Variants in RBFOX1 observed in about 807,000 individuals in gnomAD.
The protein encoded by RBFOX1 is RNA binding fox-1 homolog 1, also known as RNA binding protein fox-1 homolog 1.
In RBFOX1, 8 loss-of-function variants were observed where a neutral mutation model predicts 57.7. The ratio of observed to expected loss-of-function variants is 0.14; its 90% CI spans 0.08 to 0.25. RBFOX1 has a LOEUF of 0.25. RBFOX1 is among the 10% of genes least tolerant of loss of function. RBFOX1 has a pLI of 1.00. For missense variants in RBFOX1, 611 were observed against 548.5 expected, an observed-to-expected ratio of 1.11 and a Z score of -1.14; for synonymous variants, 326 against 222.4, an observed-to-expected ratio of 1.47 and a Z score of -4.15.
intron 3 of RBFOX1, among the ~76,000 whole-genome samples, chr16:6,957,116 T>TTTTTTATTTATTTA (rs574831673): frequency 7.2e-6 from 1 of 139,244 alleles, no homozygotes; most frequent in Non-Finnish European, 1.5e-5. Context: ...TTATTTTTAT[T>TTTTTTATTTATTTA]TTTATTTATT....
In RBFOX1 at chr16:6,924,411, G is replaced by A. The variant is rs141494707; in HGVS notation, c.-15-127646G>A. 2.9e-4 allele frequency among the ~76,000 whole-genome samples: 44 copies of A among 151,962 alleles called. No individual in the cohort carries two copies. The East Asian group carries it at 2.9e-3, about 10-fold the overall frequency. ...AGCCTCCTTTAAACAACCAGATCTC[G>A]TGTGAACTAACAGAGTGAGTGCTCA... On this transcript the variant is annotated intron_variant, in intron 3 of 15. Coordinates refer to ENST00000550418, the MANE Select transcript of RBFOX1 (RefSeq NM_018723.4).
intron 1 of RBFOX1, among the ~76,000 whole-genome samples, chr16:5,396,302 C>A (rs148185975): frequency 1.3e-5 from 2 of 152,098 alleles, no homozygotes; most frequent in Non-Finnish European, 2.9e-5. Flanking sequence ...TAGACCTTAT[C>A]CTGTAGTAGT....
intron 1 of RBFOX1, chr16:6,038,313 G>C (rs777134584): frequency 6.7e-6 from 1 of 150,066 alleles, no homozygotes; most frequent in Non-Finnish European, 1.5e-5. Context: ...TCCTGAGTAG[G>C]TGGGATTACA....
At chr16:5,351,407 C>A (rs1188061700) in intron 1 of RBFOX1, among the ~76,000 whole-genome samples, 2 of 152,170 alleles carry the variant, frequency 1.3e-5, no homozygotes, top group African/African-American at 4.8e-5. Flanking sequence ...ATTAGGGGCA[C>A]ATGGCTAGTG....
At chr16:7,427,629 T>C (rs1336683008) in intron 4 of RBFOX1, among the ~76,000 whole-genome samples, 1 of 151,588 alleles carries the variant, frequency 6.6e-6, no homozygotes, top group Non-Finnish European at 1.5e-5. Flanking sequence ...TTCTTCTTTT[T>C]ATTTTTTTTT....
intron 3 of RBFOX1, among the ~76,000 whole-genome samples, chr16:6,958,448 C>T (rs546269155): frequency 6.6e-5 from 10 of 152,274 alleles, no homozygotes; most frequent in Non-Finnish European, 1.0e-4. Context: ...CAAGGACCTT[C>T]TCGCAATTCC....
intron 3 of RBFOX1, among the ~76,000 whole-genome samples, chr16:6,675,720 G>A (rs146758340): frequency 3.6e-3 from 552 of 152,284 alleles, no homozygotes; most frequent in Admixed American, 6.7e-3. Context: ...GAAAACAAGC[G>A]AAAGGGCTTT....
intron 5 of RBFOX1, among the ~76,000 whole-genome samples, chr16:7,558,775 G>T (rs535601580): frequency 2.0e-5 from 3 of 152,298 alleles, no homozygotes; most frequent in East Asian, 3.9e-4. Context: ...ACTGCTTCTG[G>T]TGCACACTCA....
intron 4 of RBFOX1, among the ~76,000 whole-genome samples, chr16:7,074,938 G>A (rs1349031258): frequency 6.6e-6 from 1 of 152,132 alleles, no homozygotes. Flanking sequence ...GATTGGAAAT[G>A]GTGAGGTTGG....
chr16:7,414,760 G>A (rs113643630), intron 4 of RBFOX1, among the ~76,000 whole-genome samples: 8,846 of 152,242 alleles, frequency 0.058, 640 homozygotes, highest in East Asian at 0.29. Flanking sequence ...TGGGATTACA[G>A]GCGTGTGCCA....
At chr16:6,063,618 G>A (rs1322158175) in intron 1 of RBFOX1, among the ~76,000 whole-genome samples, 1 of 151,916 alleles carries the variant, frequency 6.6e-6, no homozygotes, top group Non-Finnish European at 1.5e-5. Flanking sequence ...CAAGACGATC[G>A]TTTACTCTAT....
intron 4 of RBFOX1, among the ~76,000 whole-genome samples, chr16:7,143,602 C>G (rs1317300472): frequency 6.6e-6 from 1 of 152,072 alleles, no homozygotes; most frequent in South Asian, 2.1e-4. Flanking sequence ...TCTCACTCAC[C>G]CTTTTTATCT....
intron 3 of RBFOX1, among the ~76,000 whole-genome samples, chr16:6,736,319 C>A (rs1007972737): frequency 4.6e-5 from 7 of 152,056 alleles, no homozygotes; most frequent in African/African-American, 1.4e-4. Flanking sequence ...CTCTACTCTT[C>A]CCCCCAAGTC....
chr16:7,259,229 A>G (rs1038223441), intron 4 of RBFOX1, among the ~76,000 whole-genome samples: 5 of 152,208 alleles, frequency 3.3e-5, no homozygotes, highest in African/African-American at 1.2e-4. Flanking sequence ...TTGATGCTAT[A>G]CAATTAAACT....
At chr16:6,981,235 T>C (rs566969704) in intron 3 of RBFOX1, among the ~76,000 whole-genome samples, 2 of 151,932 alleles carry the variant, frequency 1.3e-5, no homozygotes, top group Non-Finnish European at 2.9e-5. Context: ...AGCCTAGTAC[T>C]CATTCATTGT....
At chr16:5,774,848 A>G (rs1352440817) in intron 3 of RBFOX1, among the ~76,000 whole-genome samples, 1 of 152,090 alleles carries the variant, frequency 6.6e-6, no homozygotes, top group African/African-American at 2.4e-5. Flanking sequence ...ACACCTAGCT[A>G]ATTTTTGTAT....
intron 3 of RBFOX1, among the ~76,000 whole-genome samples, chr16:5,612,429 A>C (rs2047857284): frequency 6.6e-6 from 1 of 151,104 alleles, no homozygotes; most frequent in African/African-American, 2.4e-5. Context: ...ACACACTAGG[A>C]CCCCCCCTCT....
At chr16:7,062,477 C>T (rs770256471) in intron 4 of RBFOX1, among the ~76,000 whole-genome samples, 1 of 151,762 alleles carries the variant, frequency 6.6e-6, no homozygotes, top group Non-Finnish European at 1.5e-5. Context: ...TTGTTGTCTG[C>T]AGTATATGCT....
chr16:6,566,923 C>T (rs1478787014), intron 2 of RBFOX1, among the ~76,000 whole-genome samples: 2 of 152,090 alleles, frequency 1.3e-5, no homozygotes, highest in East Asian at 3.9e-4. Flanking sequence ...ACATAGACCA[C>T]AAAAAATTGA....
Sources: allele counts gnomAD v4.1 joint callset (sites outside exome capture counted in the v4.1 genomes callset), GRCh38; gene constraint gnomAD v4.1.1; transcripts MANE v1.5; gene names NCBI Gene and HGNC (gene_info 2026-07-23, HGNC 2026-07-21).